The following ELMO1 variants were observed in gnomAD, a reference collection of about 807,000 sequenced individuals.
ELMO1 encodes engulfment and cell motility 1, also known as engulfment and cell motility protein 1.
In ELMO1, 26 loss-of-function variants were observed where a neutral mutation model predicts 98.9. The ratio of observed to expected loss-of-function variants is 0.26; its 90% confidence interval spans 0.19 to 0.36. The LOEUF (loss-of-function observed/expected upper bound fraction) is 0.36, where lower values mean the gene tolerates loss of function less well. ELMO1 is among the 10% of genes least tolerant of loss of function. The pLI, the probability that ELMO1 is intolerant of heterozygous loss-of-function variation, is 1.00. For synonymous variants in ELMO1, 346 were observed against 346.0 expected, an observed-to-expected ratio of 1.00 and a Z score of 0.00; for missense variants, 627 against 935.2, an observed-to-expected ratio of 0.67 and a Z score of 4.30.
rs988671226 is a variant in ELMO1 at position 36,985,040 on chromosome 7, G to A, written c.1437+28259C>T. ...GGTCCCTACAGGCAAAGAGTTTCTC[G>A]TTCCCCACGCTGCCCCTCCATTGCC... On this transcript the variant is annotated intron_variant, in intron 16 of 21. Transcript: ENST00000310758. The A allele has an allele frequency of 9.1e-6, 9 of 985,212 alleles. No individual in the cohort carries two copies. In the East Asian group the frequency reaches 9.1e-4, roughly 99 times the overall value. 61.0% of individuals were successfully genotyped at this position (985,212 alleles called of 1,614,324 possible). A position where few individuals can be genotyped will look rare whatever the true frequency, so the allele number is the denominator to read the frequency against.
chr7:37,176,506 A>C (rs551958328), intron 13 of ELMO1, among the ~76,000 whole-genome samples: 1 of 152,382 alleles, frequency 6.6e-6, no homozygotes, highest in South Asian at 2.1e-4. Context: ...GCTTACAAAA[A>C]TACTAGAACA....
intron 4 of ELMO1, among the ~76,000 whole-genome samples, chr7:37,298,524 A>AT (rs1241328092): frequency 6.8e-6 from 1 of 148,016 alleles, no homozygotes; most frequent in African/African-American, 2.5e-5. Flanking sequence ...TCATTGTTCA[A>AT]TTCCCACCTA....
At chr7:36,917,532 A>G (rs1464014325) in intron 16 of ELMO1, among the ~76,000 whole-genome samples, 2 of 152,222 alleles carry the variant, frequency 1.3e-5, no homozygotes, top group Admixed American at 1.3e-4. Context: ...AGTATGTGAA[A>G]AGATGCTCAA....
chr7:36,957,978 A>T (rs1168809779), intron 16 of ELMO1, among the ~76,000 whole-genome samples: 1 of 152,072 alleles, frequency 6.6e-6, no homozygotes, highest in Non-Finnish European at 1.5e-5. Flanking sequence ...TGCTTTCTTT[A>T]ACTTACTACT....
chr7:37,219,598 C>T (rs146041038), intron 10 of ELMO1, among the ~76,000 whole-genome samples: 152 of 152,194 alleles, frequency 1.0e-3, no homozygotes, highest in Middle Eastern at 3.4e-3. Context: ...ATCCAGGCTT[C>T]GGGGAGTTGT....
chr7:36,924,076 GTC>G (rs1785349414), intron 16 of ELMO1, among the ~76,000 whole-genome samples: 1 of 152,216 alleles, frequency 6.6e-6, no homozygotes, highest in Admixed American at 6.5e-5. Flanking sequence ...GAGTGCTGAG[GTC>G]ATGAGAACTG....
Position 36,855,848 on chromosome 7 carries a change from G to T in ELMO1, c.1984-97C>A. ...ACAGTGAATACTCATCCCTCAGTAG[G>T]CTGTGCGCTAAGGGCTCTGCCTACT... On this transcript the variant is annotated intron_variant, in intron 21 of 21. Transcript: ENST00000310758. The surrounding 1 kb of genome is among the most constrained non-coding windows in gnomAD (Gnocchi z 4.2). 1 of 1,400,236 alleles carries T rather than the reference G, an allele frequency of 7.1e-7. No individual in the cohort carries two copies. The highest frequency in any genetic ancestry group is 1.0e-6 in the Non-Finnish European group (1 of 1,000,402). 86.7% of individuals were successfully genotyped at this position (1,400,236 alleles called of 1,614,324 possible).
chr7:37,228,671 T>C (rs1033721173), intron 8 of ELMO1, among the ~76,000 whole-genome samples: 2 of 152,194 alleles, frequency 1.3e-5, no homozygotes, highest in African/African-American at 4.8e-5. Flanking sequence ...TCACTTAGAA[T>C]GAGATCTTAA....
At chr7:37,393,627 T>C (rs1325819107) in intron 1 of ELMO1, among the ~76,000 whole-genome samples, 1 of 152,258 alleles carries the variant, frequency 6.6e-6, no homozygotes, top group Admixed American at 6.5e-5. Context: ...TGTCTGGTGC[T>C]GCTGCTACTG....
At chr7:37,068,763 C>A (rs1036748499) in intron 15 of ELMO1, among the ~76,000 whole-genome samples, 4 of 152,078 alleles carry the variant, frequency 2.6e-5, no homozygotes, top group African/African-American at 9.7e-5. Flanking sequence ...AAAGCACAGA[C>A]AGCTTGAGGG....
At chr7:37,003,001 G>C (rs527530472) in intron 16 of ELMO1, among the ~76,000 whole-genome samples, 1 of 152,216 alleles carries the variant, frequency 6.6e-6, no homozygotes, top group African/African-American at 2.4e-5. Flanking sequence ...CCTGAGGAAG[G>C]TGGTGGTCCG....
At chr7:37,047,288 T>C (rs1315846690) in intron 15 of ELMO1, among the ~76,000 whole-genome samples, 2 of 152,232 alleles carry the variant, frequency 1.3e-5, no homozygotes, top group Non-Finnish European at 2.9e-5. Context: ...CATTAATCGG[T>C]GTTCCTTCCT....
chr7:37,432,944 G>A (rs976822149), intron 1 of ELMO1, among the ~76,000 whole-genome samples: 3 of 152,250 alleles, frequency 2.0e-5, no homozygotes, highest in African/African-American at 7.2e-5. Flanking sequence ...GTAATGCAAT[G>A]ACAAAATGTT....
chr7:37,109,646 C>G (rs1413250134), intron 14 of ELMO1, among the ~76,000 whole-genome samples: 2 of 152,138 alleles, frequency 1.3e-5, no homozygotes, highest in Admixed American at 6.5e-5. Context: ...GAAACTGACT[C>G]GTGTTTCCTA....
chr7:37,187,598 TTTACTATAGATA>T (rs144229728), intron 13 of ELMO1, among the ~76,000 whole-genome samples: 1,534 of 152,302 alleles, frequency 0.01, 33 homozygotes, highest in African/African-American at 0.035. Context: ...AATAACTTTG[TTTACTATAGATA>T]TTACTATAAC....
intron 16 of ELMO1, among the ~76,000 whole-genome samples, chr7:36,897,743 T>C (rs1806157111): frequency 6.6e-6 from 1 of 152,236 alleles, no homozygotes; most frequent in Non-Finnish European, 1.5e-5. Flanking sequence ...AATCCACTCC[T>C]AGAGCCCCAT....
intron 1 of ELMO1, among the ~76,000 whole-genome samples, chr7:37,402,658 CT>C (rs1278183425): frequency 6.6e-6 from 1 of 152,174 alleles, no homozygotes; most frequent in Non-Finnish European, 1.5e-5. Flanking sequence ...TGATCCCTGA[CT>C]TCTGGTTAAG....
At chr7:37,365,194 T>G (rs1801855930) in intron 1 of ELMO1, among the ~76,000 whole-genome samples, 1 of 152,202 alleles carries the variant, frequency 6.6e-6, no homozygotes, top group Non-Finnish European at 1.5e-5. Context: ...TCCTAAATTC[T>G]TGCAGCAATC....
At chr7:37,334,408 C>T (rs780041226) in intron 2 of ELMO1, among the ~76,000 whole-genome samples, 3 of 152,066 alleles carry the variant, frequency 2.0e-5, no homozygotes, top group Non-Finnish European at 2.9e-5. Context: ...ATTGCACCAT[C>T]GCACTCCAGC....
Sources: gnomAD v4.1 joint callset for allele counts (sites outside exome capture counted in the v4.1 genomes callset) on GRCh38, gnomAD v4.1.1 for gene constraint, Gnocchi (gnomAD v3.1) non-coding constraint, MANE v1.5 for transcripts, NCBI Gene and HGNC (gene_info 2026-07-23, HGNC 2026-07-21) for gene names.